Variants in CAMSAP1 observed in about 807,000 individuals in gnomAD.
The protein encoded by CAMSAP1 is calmodulin regulated spectrin associated protein 1, also known as calmodulin-regulated spectrin-associated protein 1.
CAMSAP1 carries 58 observed loss-of-function variants against 143.5 expected under a neutral mutation model. That is an observed-to-expected ratio of 0.40 (90% CI 0.33 to 0.50). The LOEUF is 0.50. Among genes scored for constraint, CAMSAP1 ranks in the 20% least tolerant of loss-of-function variants. The pLI, the probability that CAMSAP1 is intolerant of heterozygous loss-of-function variation, is 0.45. For synonymous variants in CAMSAP1, 945 were observed against 859.3 expected, an observed-to-expected ratio of 1.10 and a Z score of -1.74; for missense variants, 1,969 against 2,115.7, an observed-to-expected ratio of 0.93 and a Z score of 1.36.
At position 135,822,591 on chromosome 9, in the gene CAMSAP1, C is replaced by T. The variant is rs34129468; in HGVS notation, c.2070G>A (p.Pro690=). The change falls in exon 11 of 17, where the codon CCG becomes CCA. Residue 690 remains proline, a synonymous_variant. Transcript: ENST00000389532. This position sits in a 1 kb window ranked among gnomAD's most constrained non-coding sequence, Gnocchi z 6.1. ...GGPLALGGFD[P]FPQGPSTDGF... is the part of the protein sequence containing the mutation. ...CATCCGTGGATGGTCCCTGGGGGAA[C>T]GGATCGAATCCGCCAAGGGCCAGAG... 1,259 of 1,613,446 alleles carry T rather than the reference C, an allele frequency of 7.8e-4. 12 individuals are homozygous for T. In the African/African-American group the frequency reaches 0.014, roughly 18 times the overall value.
intron 3 of CAMSAP1, among the ~76,000 whole-genome samples, chr9:135,867,751 A>T (rs1837429982): frequency 6.6e-6 from 1 of 152,262 alleles, no homozygotes; most frequent in Admixed American, 6.5e-5. Context: ...AAAATAATAC[A>T]GAAAAGATAA....
Position 135,810,622 on chromosome 9 carries a change from A to AAGACAGGCTTTGC in CAMSAP1, c.*674_*686dup, listed in dbSNP as rs1835010616. ...ACATTTGTAGACGTTGTTCTAGCGG[A>AAGACAGGCTTTGC]AGACAGGCTTTGCAGATTTCGGTGC... On this transcript the variant is annotated 3_prime_UTR_variant, in exon 17 of 17. Coordinates refer to ENST00000389532, the MANE Select transcript of CAMSAP1 (RefSeq NM_015447.4). 6.5e-6 allele frequency: 1 copy of AAGACAGGCTTTGC among 152,680 alleles called. No homozygotes were observed. The highest frequency in any genetic ancestry group is 1.5e-5 in the Non-Finnish European group (1 of 68,094). 9.5% of individuals were successfully genotyped at this position (152,680 alleles called of 1,614,324 possible).
At chr9:135,864,393 C>T (rs1436267357) in intron 4 of CAMSAP1, among the ~76,000 whole-genome samples, 1 of 152,238 alleles carries the variant, frequency 6.6e-6, no homozygotes, top group Non-Finnish European at 1.5e-5. Context: ...GTGAGCTCTG[C>T]AGCAGAATCT....
intron 5 of CAMSAP1, among the ~76,000 whole-genome samples, chr9:135,857,996 G>A (rs1225626057): frequency 1.3e-5 from 2 of 152,130 alleles, no homozygotes; most frequent in Non-Finnish European, 2.9e-5. Context: ...GAAGCAAAGT[G>A]AACCTGAGCT....
chr9:135,831,170 A>T (rs79940935), intron 7 of CAMSAP1, among the ~76,000 whole-genome samples: 2 of 152,242 alleles, frequency 1.3e-5, no homozygotes, highest in Non-Finnish European at 2.9e-5. Flanking sequence ...TCAAAAAAAT[A>T]AAAAAGTAAC....
chr9:135,833,718 G>A (rs1835927027), intron 7 of CAMSAP1, among the ~76,000 whole-genome samples: 1 of 152,102 alleles, frequency 6.6e-6, no homozygotes, highest in Non-Finnish European at 1.5e-5. Context: ...GCCTGAAACT[G>A]TAAAACTCTA....
chr9:135,871,292 A>G (rs1034220590), intron 3 of CAMSAP1, among the ~76,000 whole-genome samples: 4 of 152,152 alleles, frequency 2.6e-5, no homozygotes, highest in African/African-American at 7.2e-5. Flanking sequence ...AGGCTCAAGC[A>G]ATCCTCCTGC....
chr9:135,819,646 C>T (rs1234116570), intron 11 of CAMSAP1, among the ~76,000 whole-genome samples: 4 of 146,218 alleles, frequency 2.7e-5, no homozygotes, highest in South Asian at 4.3e-4. Flanking sequence ...CCAGCCTGGC[C>T]GACATGGCGA....
intron 3 of CAMSAP1, among the ~76,000 whole-genome samples, chr9:135,878,783 C>T (rs1332248006): frequency 2.6e-5 from 4 of 152,132 alleles, no homozygotes; most frequent in Non-Finnish European, 5.9e-5. Flanking sequence ...CAGCCGGTAT[C>T]GCATCCTGCA....
At chr9:135,883,201 G>A (rs1349371075) in intron 1 of CAMSAP1, 123 bp from the exon 2 acceptor site, 8 of 1,038,480 alleles carry the variant, frequency 7.7e-6, no homozygotes, top group Non-Finnish European at 1.1e-5. Flanking sequence ...GGGAGACCAA[G>A]TGTCAAAAAA....
rs765690752 is a variant in CAMSAP1, at chr9:135,882,932, C to T, written c.307G>A (p.Ala103Thr). 51 of 1,551,636 alleles carry T rather than the reference C, an allele frequency of 3.3e-5. No homozygotes were observed. The highest frequency in any genetic ancestry group is 4.3e-5 in the Non-Finnish European group (49 of 1,147,014). ...SLILKGDQVA[A>T]LQGHQSVIQA... ...ATGACAGACTGGTGTCCCTGTAAGG[C>T]GGCCACCTGGTCCCCTTTCAGGATG... Residue 103 changes from alanine to threonine, a missense_variant, in exon 2 of 17, where the codon GCC becomes ACC. Coordinates refer to ENST00000389532, the MANE Select transcript of CAMSAP1 (RefSeq NM_015447.4). This position sits in a 1 kb window ranked among gnomAD's most constrained non-coding sequence, Gnocchi z 4.9.
chr9:135,850,430 G>A lies in CAMSAP1; in HGVS notation c.840C>T (p.Ala280=), dbSNP rs779135404. ...GAAGCCGAATATTATACAGACTGTC[G>A]GCCATCGACGTTACCTCCTTTAAGC... ...DICLKEVTSM[A]DSLYNIRLLR... The change falls in exon 6 of 17, where the codon GCC becomes GCT. Residue 280 remains alanine (A), a synonymous_variant. Coordinates refer to ENST00000389532, the MANE Select transcript of CAMSAP1 (RefSeq NM_015447.4). The A allele has an allele frequency of 6.9e-6, 11 of 1,599,230 alleles. No homozygotes were observed. Among genetic ancestry groups the A allele is most frequent in the South Asian group, 3.4e-5 (3 of 87,562 alleles).
chr9:135,876,490 T>G (rs530993136), intron 3 of CAMSAP1, among the ~76,000 whole-genome samples: 1 of 152,150 alleles, frequency 6.6e-6, no homozygotes, highest in Non-Finnish European at 1.5e-5. Context: ...AAAACGACAA[T>G]GAGCGACAGT....
At chr9:135,834,522 T>C (rs1195648555) in intron 7 of CAMSAP1, among the ~76,000 whole-genome samples, 2 of 152,188 alleles carry the variant, frequency 1.3e-5, no homozygotes, top group Non-Finnish European at 2.9e-5. Flanking sequence ...ACCTGGAAGA[T>C]ATTATGTACA....
Position 135,821,407 on chromosome 9 carries a change from G to A in CAMSAP1, c.3254C>T (p.Ala1085Val). Residue 1085 changes from alanine to valine, a missense_variant, in exon 11 of 17, where the codon GCT (alanine) becomes GTT (valine). Physicochemically the swap from Ala to Val is moderately conservative, Grantham distance 64. Transcript: ENST00000389532. The surrounding 1 kb of genome is among the most constrained non-coding windows in gnomAD (Gnocchi z 4.6). The stretch of plus-strand genomic sequence containing the variant: ...CAGCCGGGGGGCTTTGCGGTGGCCA[G>A]CCACGCCCGTGGGAGAGAGTGGCTC... ...FVEPLSPTGV[A>V]GHRKAPRLGQ... is the part of the protein sequence containing the mutation. The A allele has an allele frequency of 6.2e-7, 1 of 1,613,976 alleles. No homozygotes were observed. The highest frequency in any genetic ancestry group is 1.1e-5 in the South Asian group (1 of 91,084).
In CAMSAP1 at chr9:135,822,849, T is replaced by C; in HGVS notation, c.1812A>G (p.Lys604=). The change falls in exon 11 of 17, where the codon AAA becomes AAG. Residue 604 remains lysine (K), a synonymous_variant. Coordinates refer to ENST00000389532, the MANE Select transcript of CAMSAP1 (RefSeq NM_015447.4). The surrounding 1 kb of genome is among the most constrained non-coding windows in gnomAD (Gnocchi z 6.1). ...PLMPAVLKPA[K]EKQVITKEDE... ...CCTCCTTGGTGATCACCTGCTTCTCTTTCGCTGGCTTAAGAACTGCTGGCA... is the reference window on the plus strand; with the variant it reads ...CCTCCTTGGTGATCACCTGCTTCTCCTTCGCTGGCTTAAGAACTGCTGGCA... 2 of 1,613,926 alleles carry C rather than the reference T, an allele frequency of 1.2e-6. No homozygotes were observed. Among genetic ancestry groups the C allele is most frequent in the Non-Finnish European group, 1.7e-6 (2 of 1,179,878 alleles).
chr9:135,843,846 C>A (rs991958939), intron 7 of CAMSAP1, among the ~76,000 whole-genome samples: 7 of 140,558 alleles, frequency 5.0e-5, no homozygotes, highest in African/African-American at 1.6e-4. Flanking sequence ...TGCTCTCCAA[C>A]CTGGGCGACA....
intron 7 of CAMSAP1, among the ~76,000 whole-genome samples, chr9:135,828,508 G>T (rs985652470): frequency 6.6e-6 from 1 of 152,192 alleles, no homozygotes; most frequent in African/African-American, 2.4e-5. Context: ...AATGGCTGCC[G>T]GAGAAGCTAA....
intron 7 of CAMSAP1, among the ~76,000 whole-genome samples, chr9:135,832,649 C>T (rs760703468): frequency 5.9e-5 from 9 of 152,154 alleles, no homozygotes; most frequent in Non-Finnish European, 1.0e-4. Context: ...CTAAAGGCTC[C>T]ATAAAATAAG....
Sources: allele counts gnomAD v4.1 joint callset (sites outside exome capture counted in the v4.1 genomes callset), GRCh38; gene constraint gnomAD v4.1.1; non-coding constraint Gnocchi (gnomAD v3.1); transcripts MANE v1.5; gene names NCBI Gene and HGNC (gene_info 2026-07-23, HGNC 2026-07-21).